The following TAFA1 variants were observed in gnomAD, a reference collection of about 807,000 sequenced individuals.
TAFA1 encodes chemokine-like protein TAFA-1.
A neutral mutation model predicts 18.5 loss-of-function variants in TAFA1; 4 were observed. The observed-to-expected ratio is 0.22, with a 90% CI of 0.11 to 0.49. The LOEUF is 0.49. TAFA1 is among the 20% of genes least tolerant of loss of function. TAFA1 has a pLI of 0.98. For synonymous variants in TAFA1, 56 were observed against 55.2 expected (o/e 1.01, Z -0.06); for missense variants, 147 against 169.0 (o/e 0.87, Z 0.72).
chr3:68,015,065 G>A (rs933586312), intron 2 of TAFA1, among the ~76,000 whole-genome samples: 3 of 152,162 alleles, frequency 2.0e-5, no homozygotes, highest in Non-Finnish European at 4.4e-5. Context: ...GGAATCAAAA[G>A]GGGATGTTCT....
intron 2 of TAFA1, among the ~76,000 whole-genome samples, chr3:68,115,634 C>A (rs2065315979): frequency 6.6e-6 from 1 of 152,178 alleles, no homozygotes; most frequent in Non-Finnish European, 1.5e-5. Context: ...TTCTTGCTCC[C>A]TGAACGGTCA....
At chr3:68,053,578 T>C (rs769623581) in intron 2 of TAFA1, among the ~76,000 whole-genome samples, 2 of 152,120 alleles carry the variant, frequency 1.3e-5, no homozygotes, top group Admixed American at 6.6e-5. Flanking sequence ...TGCTCTTCAT[T>C]TTGATAACAT....
At chr3:68,431,302 A>G (rs577288405) in intron 3 of TAFA1, among the ~76,000 whole-genome samples, 92 of 152,132 alleles carry the variant, frequency 6.0e-4, no homozygotes, top group East Asian at 7.7e-4. Flanking sequence ...GAAACAATGT[A>G]ATAAAACCAC....
intron 2 of TAFA1, among the ~76,000 whole-genome samples, chr3:68,205,117 A>T (rs113483079): frequency 3.3e-5 from 5 of 151,992 alleles, no homozygotes; most frequent in African/African-American, 1.2e-4. Context: ...CACCACAAGG[A>T]TTATCTGAGG....
At chr3:68,481,962 C>T (rs185088933) in intron 3 of TAFA1, among the ~76,000 whole-genome samples, 4 of 152,288 alleles carry the variant, frequency 2.6e-5, no homozygotes, top group Admixed American at 2.0e-4. Flanking sequence ...AACTTTTACA[C>T]AGAATCTGTT....
At chr3:68,374,965 C>T (rs1012676745) in intron 2 of TAFA1, among the ~76,000 whole-genome samples, 3 of 152,062 alleles carry the variant, frequency 2.0e-5, no homozygotes, top group Non-Finnish European at 4.4e-5. Flanking sequence ...CTCCAACCAC[C>T]TTTCTCTCTC....
At chr3:68,225,681 A>G (rs1011131699) in intron 2 of TAFA1, among the ~76,000 whole-genome samples, 7 of 152,152 alleles carry the variant, frequency 4.6e-5, no homozygotes, top group African/African-American at 1.4e-4. Flanking sequence ...TCCTGTCTCT[A>G]TTATTTACTT....
In TAFA1 at chr3:68,088,942, G is replaced by T. The variant is rs1441818778; in HGVS notation, c.118+82198G>T. The stretch of plus-strand genomic sequence containing the variant: ...CGGACATGCTGGTAACTAGGATGTA[G>T]GGGGAGAGGGAAGGAGATGTTCAAT... On this transcript the variant is annotated intron_variant, in intron 2 of 4. Coordinates refer to ENST00000478136, the MANE Select transcript of TAFA1 (RefSeq NM_213609.4). 2.6e-5 allele frequency among the ~76,000 whole-genome samples: 4 copies of T among 152,214 alleles called. No individual in the cohort carries two copies. The East Asian group carries it at 7.8e-4, about 30-fold the overall frequency.
intron 2 of TAFA1, among the ~76,000 whole-genome samples, chr3:68,188,378 T>C (rs1575668890): frequency 6.6e-6 from 1 of 151,740 alleles, no homozygotes; most frequent in Non-Finnish European, 1.5e-5. Flanking sequence ...TCTTTGCATC[T>C]ATTCTGCATG....
At chr3:68,122,305 C>T (rs2065409483) in intron 2 of TAFA1, among the ~76,000 whole-genome samples, 5 of 152,064 alleles carry the variant, frequency 3.3e-5, no homozygotes, top group African/African-American at 1.2e-4. Context: ...GGCAATGACA[C>T]CAACACTAGG....
At chr3:68,065,219 T>C (rs1397002481) in intron 2 of TAFA1, among the ~76,000 whole-genome samples, 1 of 152,200 alleles carries the variant, frequency 6.6e-6, no homozygotes, top group African/African-American at 2.4e-5. Context: ...GGGCACAGCT[T>C]CTCAGTTTTG....
rs1227001510 is a variant in TAFA1, at chr3:68,011,138, TG to T, written c.118+4401del. ...TTGAATGTGTGTGTGTGGGGGGTGG[TG>T]GGGGGGTGGGTGTCCTTGAAACTTA... On this transcript the variant is annotated intron_variant, in intron 2 of 4. Transcript: ENST00000478136. 4.9e-4 allele frequency among the ~76,000 whole-genome samples: 5 copies of T among 10,154 alleles called. 1 individual carries two copies. The highest frequency in any genetic ancestry group is 1.6e-3 in the African/African-American group (4 of 2,576). 6.7% of individuals were successfully genotyped at this position (10,154 alleles called of 152,430 possible).
At chr3:68,150,261 T>G (rs2065790057) in intron 2 of TAFA1, among the ~76,000 whole-genome samples, 1 of 152,164 alleles carries the variant, frequency 6.6e-6, no homozygotes, top group Non-Finnish European at 1.5e-5. Flanking sequence ...CAGTTCCCAC[T>G]CTTTGTGTTT....
At chr3:68,308,947 C>T (rs796702356) in intron 2 of TAFA1, among the ~76,000 whole-genome samples, 41 of 152,278 alleles carry the variant, frequency 2.7e-4, no homozygotes, top group African/African-American at 9.4e-4. Flanking sequence ...TATCACCTTG[C>T]TTCTCCAGTA....
chr3:68,280,544 C>T (rs765688509), intron 2 of TAFA1, among the ~76,000 whole-genome samples: 7 of 151,926 alleles, frequency 4.6e-5, no homozygotes, highest in Non-Finnish European at 7.4e-5. Flanking sequence ...TATAAACCAG[C>T]GGCTTCACAT....
At chr3:68,421,171 TAACAG>T (rs1188035100) in intron 3 of TAFA1, among the ~76,000 whole-genome samples, 2 of 152,184 alleles carry the variant, frequency 1.3e-5, no homozygotes, top group Non-Finnish European at 2.9e-5. Flanking sequence ...TTAAGCCACA[TAACAG>T]TAATATTTTT....
intron 2 of TAFA1, among the ~76,000 whole-genome samples, chr3:68,246,441 T>G (rs1489575519): frequency 6.6e-6 from 1 of 150,896 alleles, no homozygotes; most frequent in Non-Finnish European, 1.5e-5. Flanking sequence ...ATACAAAAAA[T>G]TAGCCGGGCG....
chr3:68,322,355 C>A (rs1257098853), intron 2 of TAFA1, among the ~76,000 whole-genome samples: 1 of 152,090 alleles, frequency 6.6e-6, no homozygotes, highest in African/African-American at 2.4e-5. Context: ...ACGTTTTATT[C>A]CTCTCAAAAT....
At chr3:68,504,988 T>A (rs1322443644) in intron 3 of TAFA1, among the ~76,000 whole-genome samples, 1 of 151,922 alleles carries the variant, frequency 6.6e-6, no homozygotes, top group Non-Finnish European at 1.5e-5. Context: ...AAGAACAGAG[T>A]GTGTCTTGTT....
Sources: allele counts gnomAD v4.1 joint callset (sites outside exome capture counted in the v4.1 genomes callset), GRCh38; gene constraint gnomAD v4.1.1; transcripts MANE v1.5; gene names NCBI Gene and HGNC (gene_info 2026-07-23, HGNC 2026-07-21).